The following TTC7B variants were observed in gnomAD, a reference collection of about 807,000 sequenced individuals.
TTC7B encodes the protein tetratricopeptide repeat protein 7B.
In TTC7B, 28 loss-of-function variants were observed where a neutral mutation model predicts 106.8. That is an observed-to-expected ratio of 0.26 (90% CI 0.19 to 0.36). TTC7B has a LOEUF of 0.36. Ranked by LOEUF, TTC7B falls within the 10% of genes least tolerant of loss-of-function variation. The pLI, the probability that TTC7B is intolerant of heterozygous loss-of-function variation, is 1.00. For synonymous variants in TTC7B, 405 were observed against 430.6 expected (o/e 0.94, Z 0.74); for missense variants, 862 against 1,076.4 (o/e 0.80, Z 2.79).
At chr14:90,806,486 G>C (rs74085569) in intron 1 of TTC7B, among the ~76,000 whole-genome samples, 1 of 152,166 alleles carries the variant, frequency 6.6e-6, no homozygotes, top group Non-Finnish European at 1.5e-5. Context: ...CAAAGAAACC[G>C]AGCATCTGAA....
chr14:90,769,839 A>C (rs949017794), intron 3 of TTC7B, among the ~76,000 whole-genome samples: 19 of 152,178 alleles, frequency 1.2e-4, no homozygotes, highest in African/African-American at 4.6e-4. Context: ...ACTGATATCC[A>C]ACAAAATAGA....
At chr14:90,580,471 T>C (rs1891443022) in intron 18 of TTC7B, among the ~76,000 whole-genome samples, 1 of 152,212 alleles carries the variant, frequency 6.6e-6, no homozygotes, top group Admixed American at 6.5e-5. Flanking sequence ...TGGGAGCCTG[T>C]GCTTGCAGCC....
rs923350954 is a variant in TTC7B, at chr14:90,608,851, G to T, written c.1966+1891C>A. On this transcript the variant is annotated intron_variant, in intron 17 of 19. Coordinates refer to ENST00000328459, the MANE Select transcript of TTC7B (RefSeq NM_001010854.2). This position sits in a 1 kb window ranked among gnomAD's most constrained non-coding sequence, Gnocchi z 5.1. ...GCTTTAAAGTCTTGGGACCTCCAGG[G>T]AAATTAAGGTCCAGGCCAGCTGGAA... Among the ~76,000 whole-genome samples, 5 of 152,198 alleles carry T rather than the reference G, an allele frequency of 3.3e-5. No homozygotes were observed. The highest frequency in any genetic ancestry group is 1.2e-4 in the African/African-American group (5 of 41,458).
intron 4 of TTC7B, among the ~76,000 whole-genome samples, chr14:90,736,835 C>A (rs958340662): frequency 7.2e-6 from 1 of 138,238 alleles, no homozygotes; most frequent in Admixed American, 7.9e-5. Context: ...GAGGGTGCAA[C>A]GAGCTATGAT....
intron 15 of TTC7B, among the ~76,000 whole-genome samples, chr14:90,629,582 C>T (rs1884601936): frequency 6.6e-6 from 1 of 152,182 alleles, no homozygotes; most frequent in South Asian, 2.1e-4. Context: ...CAGCCCGGGG[C>T]CAGGTGCTGG....
intron 5 of TTC7B, among the ~76,000 whole-genome samples, chr14:90,725,966 C>T (rs1055135216): frequency 3.3e-5 from 5 of 152,262 alleles, no homozygotes; most frequent in African/African-American, 9.6e-5. Context: ...CCCAGCTGGG[C>T]ACAGTGGCAC....
In TTC7B at chr14:90,524,823, C is replaced by T. The variant is rs1889108470; in HGVS notation, c.*16545G>A. ...AGGTGGTGCAAGGCACACGGGGATCCCCCACATTGCAGGTGGGGAGACTGA... is the reference window on the plus strand; with the variant it reads ...AGGTGGTGCAAGGCACACGGGGATCTCCCACATTGCAGGTGGGGAGACTGA... On this transcript the variant is annotated 3_prime_UTR_variant, in exon 20 of 20. Transcript: ENST00000328459. The T allele has an allele frequency of 6.6e-6, 1 of 152,028 alleles. No homozygotes were observed. The highest frequency in any genetic ancestry group is 1.5e-5 in the Non-Finnish European group (1 of 67,986). The allele number at this position is 152,028 out of a possible 1,614,324, so 9.4% of individuals were successfully genotyped here.
intron 15 of TTC7B, among the ~76,000 whole-genome samples, chr14:90,621,699 G>A (rs1884196601): frequency 6.6e-6 from 1 of 152,214 alleles, no homozygotes; most frequent in Non-Finnish European, 1.5e-5. Flanking sequence ...CACTCCTTGG[G>A]ATGCCCAAGG....
Position 90,525,889 on chromosome 14 carries a change from T to C in TTC7B, c.*15479A>G, listed in dbSNP as rs945222867. Reference sequence around the variant, plus strand: ...CTCAGAGTGGAAGAGTACCAGGACATGGGGGTGGGGGTTGGGGCAAAGCTT... The same window carrying C: ...CTCAGAGTGGAAGAGTACCAGGACACGGGGGTGGGGGTTGGGGCAAAGCTT... On this transcript the variant is annotated 3_prime_UTR_variant, in exon 20 of 20. Transcript: ENST00000328459. 20 of 143,208 alleles carry C rather than the reference T, an allele frequency of 1.4e-4. No individual in the cohort carries two copies. Among genetic ancestry groups the C allele is most frequent in the Non-Finnish European group, 2.6e-4 (17 of 66,106 alleles). 8.9% of individuals were successfully genotyped at this position (143,208 alleles called of 1,614,324 possible). A position where few individuals can be genotyped will look rare whatever the true frequency, so the allele number is the denominator to read the frequency against.
At chr14:90,680,915 A>T (rs984273091) in intron 7 of TTC7B, among the ~76,000 whole-genome samples, 4 of 152,232 alleles carry the variant, frequency 2.6e-5, no homozygotes, top group Admixed American at 2.0e-4. Context: ...TACTCTTCTT[A>T]CCTCTTACCT....
At chr14:90,671,632 C>T (rs1359352486) in intron 9 of TTC7B, among the ~76,000 whole-genome samples, 1 of 152,230 alleles carries the variant, frequency 6.6e-6, no homozygotes, top group Non-Finnish European at 1.5e-5. Context: ...CCTACACAAA[C>T]CTTTCAGCAG....
At chr14:90,650,505 T>C (rs1885670200) in intron 13 of TTC7B, among the ~76,000 whole-genome samples, 1 of 151,950 alleles carries the variant, frequency 6.6e-6, no homozygotes, top group Non-Finnish European at 1.5e-5. Flanking sequence ...CTGATCACCC[T>C]ATATGCACAC....
intron 3 of TTC7B, among the ~76,000 whole-genome samples, chr14:90,760,869 C>G (rs77719699): frequency 0.086 from 13,121 of 152,244 alleles, 628 homozygotes; most frequent in East Asian, 0.16. Context: ...TGAGCACTAG[C>G]CAAGAATTCC....
chr14:90,676,378 A>G, intron 9 of TTC7B, 145 bp downstream of exon 9: 2 of 940,780 alleles, frequency 2.1e-6, no homozygotes, highest in South Asian at 1.7e-5. Flanking sequence ...TACAGGGGAG[A>G]AAACCAAAGT....
At chr14:90,604,734 G>A (rs2139834535) in intron 17 of TTC7B, among the ~76,000 whole-genome samples, 1 of 152,248 alleles carries the variant, frequency 6.6e-6, no homozygotes, top group African/African-American at 2.4e-5. Context: ...GGCTCCCCGG[G>A]TCAGATTCAT....
At chr14:90,688,161 A>G (rs775616391) in intron 7 of TTC7B, among the ~76,000 whole-genome samples, 5 of 152,256 alleles carry the variant, frequency 3.3e-5, no homozygotes, top group Non-Finnish European at 7.3e-5. Flanking sequence ...TCCTTCACAC[A>G]GAGATTCTGA....
chr14:90,780,940 C>T (rs1891201671), intron 2 of TTC7B, 34 bp from the exon 3 acceptor site: 1 of 1,603,334 alleles, frequency 6.2e-7, no homozygotes, highest in Non-Finnish European at 8.5e-7. Context: ...AAAGCATTTT[C>T]CTACAATATC....
intron 15 of TTC7B, among the ~76,000 whole-genome samples, chr14:90,638,063 T>A (rs866164333): frequency 1.4e-4 from 21 of 151,736 alleles, no homozygotes; most frequent in South Asian, 4.2e-4. Flanking sequence ...TTTTTTTTTT[T>A]ATCTAGAGAT....
At chr14:90,601,327 C>G (rs978698981) in intron 17 of TTC7B, among the ~76,000 whole-genome samples, 3 of 152,128 alleles carry the variant, frequency 2.0e-5, no homozygotes, top group Non-Finnish European at 4.4e-5. Context: ...CTAGTCACTT[C>G]CTGATCATGA....
Sources: allele counts gnomAD v4.1 joint callset (sites outside exome capture counted in the v4.1 genomes callset), GRCh38; gene constraint gnomAD v4.1.1; non-coding constraint Gnocchi (gnomAD v3.1); transcripts MANE v1.5; gene names NCBI Gene and HGNC (gene_info 2026-07-23, HGNC 2026-07-21).